KCNAB2: variants seen among roughly 807,000 people sequenced by gnomAD.
KCNAB2 encodes potassium voltage-gated channel subfamily A regulatory beta subunit 2, also known as voltage-gated potassium channel subunit beta-2.
KCNAB2 carries 29 observed loss-of-function variants against 63.6 expected under a neutral mutation model. That is an observed-to-expected ratio of 0.46 (90% confidence interval 0.34 to 0.62). The LOEUF is 0.62. KCNAB2 is among the 20% of genes least tolerant of loss of function. The pLI is 0.01. For missense variants in KCNAB2, 359 were observed against 563.9 expected (o/e 0.64, Z 3.68); for synonymous variants, 222 against 224.2 (o/e 0.99, Z 0.09).
rs1657361548 is a variant in KCNAB2, at chr1:6,003,217, T to A, written c.-53+10429T>A. ...CCCCAGCAGCCTGGCCCCTGCTGGCTGCAGGGGCTCCAGAGCCTGTGCTAC... is the reference window on the plus strand; with the variant it reads ...CCCCAGCAGCCTGGCCCCTGCTGGCAGCAGGGGCTCCAGAGCCTGTGCTAC... On this transcript the variant is annotated intron_variant, in intron 1 of 16. Coordinates refer to the KCNAB2 transcript ENST00000341524. This position sits in a 1 kb window ranked among gnomAD's most constrained non-coding sequence, Gnocchi z 4.1. Among the ~76,000 whole-genome samples the A allele has an allele frequency of 6.6e-6, 1 of 152,204 alleles. No individual in the cohort carries two copies. The highest frequency in any genetic ancestry group is 2.1e-4 in the South Asian group (1 of 4,834).
intron 1 of KCNAB2, among the ~76,000 whole-genome samples, chr1:6,038,706 T>A (rs1409675202): frequency 6.6e-6 from 1 of 152,044 alleles, no homozygotes; most frequent in African/African-American, 2.4e-5. Context: ...GGGACAGAGG[T>A]TGTTTGGGAA....
rs1665759251 is a variant in KCNAB2 at position 6,097,622 on chromosome 1, G to C, written c.1158+265G>C. On this transcript the variant is annotated intron_variant, in intron 15 of 15. Transcript: ENST00000378083. Reference sequence around the variant, plus strand: ...AGCCAGAGATAAAGGGAGGGAGCTGGGGCCAGGGACGGTGGCGCTGCAGAC... The same window carrying C: ...AGCCAGAGATAAAGGGAGGGAGCTGCGGCCAGGGACGGTGGCGCTGCAGAC... 5 of 626,698 alleles carry C rather than the reference G, an allele frequency of 8.0e-6. No homozygotes were observed. The South Asian group carries it at 1.0e-4, about 13-fold the overall frequency. The allele number at this position is 626,698 out of a possible 1,614,324, so 38.8% of individuals were successfully genotyped here. A position where few individuals can be genotyped will look rare whatever the true frequency, so the allele number is the denominator to read the frequency against.
At position 6,097,368 on chromosome 1, in the gene KCNAB2, G is replaced by A. The variant is rs1430254377; in HGVS notation, c.1158+11G>A. The A allele has an allele frequency of 5.2e-6, 8 of 1,551,064 alleles. No individual in the cohort carries two copies. The highest frequency in any genetic ancestry group is 6.1e-6 in the Non-Finnish European group (7 of 1,147,206). On this transcript the variant is annotated intron_variant, in intron 15 of 15. Transcript: ENST00000378083. The stretch of plus-strand genomic sequence containing the variant: ...ATTGGGGCAATACAGGTAAGAGTGA[G>A]AGGCCCTGCTGGGCAGAGGGCCCAT...
rs200616744 is a variant in KCNAB2, at chr1:6,005,069, G to GT, written c.-53+12281_-53+12282insT. The stretch of plus-strand genomic sequence containing the variant: ...AGCTGAGGGGTGAGGGTAGAGTGGG[G>GT]GACATGGAAGCTGAGCTGAGGGGTG... On this transcript the variant is annotated intron_variant, in intron 1 of 16. Coordinates refer to the KCNAB2 transcript ENST00000341524. Among the ~76,000 whole-genome samples, 30 of 26,332 alleles carry GT rather than the reference G, an allele frequency of 1.1e-3. 5 individuals are homozygous for GT. The highest frequency in any genetic ancestry group is 5.5e-3 in the Admixed American group (15 of 2,712). The allele number at this position is 26,332 out of a possible 152,430, so 17.3% of individuals were successfully genotyped here.
At chr1:6,005,432 T>G in intron 1 of KCNAB2, among the ~76,000 whole-genome samples, 1 of 111,628 alleles carries the variant, frequency 9.0e-6, no homozygotes, top group East Asian at 2.6e-4. Context: ...TTGTGGGTTG[T>G]GTGAGCTGAG....
chr1:6,085,600 T>G, intron 6 of KCNAB2: 1 of 223,402 alleles, frequency 4.5e-6, no homozygotes, highest in Non-Finnish European at 8.9e-6. Context: ...GGCGTGCTGC[T>G]ACAGAAGATG....
Position 6,028,266 on chromosome 1 carries a change from T to C in KCNAB2, c.-52-12251T>C, listed in dbSNP as rs1359891574. 6.6e-6 allele frequency among the ~76,000 whole-genome samples: 1 copy of C among 152,180 alleles called. No homozygotes were observed. The highest frequency in any genetic ancestry group is 1.5e-5 in the Non-Finnish European group (1 of 68,040). ...TGTGTTGTGTAAGTGCCCTTCTGTG[T>C]CATGCGGTTTTGAGCAGTTATACCT... On this transcript the variant is annotated intron_variant, in intron 1 of 16. Transcript: ENST00000341524. This position sits in a 1 kb window ranked among gnomAD's most constrained non-coding sequence, Gnocchi z 4.0.
At chr1:6,008,490 G>A (rs183015295) in intron 1 of KCNAB2, among the ~76,000 whole-genome samples, 30 of 152,182 alleles carry the variant, frequency 2.0e-4, no homozygotes, top group Non-Finnish European at 2.9e-4. Context: ...GCATGATGGC[G>A]TGCACCTGTA....
intron 1 of KCNAB2, among the ~76,000 whole-genome samples, chr1:6,010,688 A>G (rs758202768): frequency 8.5e-5 from 13 of 152,244 alleles, no homozygotes; most frequent in Non-Finnish European, 1.6e-4. Context: ...AGGTGAACAC[A>G]GGAAATGGGG....
In KCNAB2 at chr1:6,068,840, C is replaced by T. The variant is rs558886649; in HGVS notation, c.219-3915C>T. Among the ~76,000 whole-genome samples the T allele has an allele frequency of 7.9e-5, 12 of 152,316 alleles. No individual in the cohort carries two copies. The South Asian group carries it at 2.5e-3, about 32-fold the overall frequency. On this transcript the variant is annotated intron_variant, in intron 2 of 15. Transcript: ENST00000378083. ...TCCCAGTGGTGTGCTCCAGGCACAG[C>T]TGTCCAGTGACACGCACAGTCCACA... is the stretch of plus-strand genomic sequence containing the variant.
upstream of KCNAB2, chr1:6,045,883 C>G (rs1660879887): frequency 2.2e-5 from 22 of 985,440 alleles, no homozygotes; most frequent in Non-Finnish European, 2.7e-5. This position sits in a 1 kb window ranked among gnomAD's most constrained non-coding sequence, Gnocchi z 4.8. Flanking sequence ...ACCCCACGCA[C>G]CGGGAGTCAG....
At chr1:6,048,090 C>T (rs1172470496) in intron 1 of KCNAB2, among the ~76,000 whole-genome samples, 1 of 152,230 alleles carries the variant, frequency 6.6e-6, no homozygotes, top group Non-Finnish European at 1.5e-5. Context: ...CTCTCCCACT[C>T]ACATCCCCAA....
chr1:6,009,345 A>C (rs1658010553), intron 1 of KCNAB2, among the ~76,000 whole-genome samples: 1 of 152,180 alleles, frequency 6.6e-6, no homozygotes, highest in South Asian at 2.1e-4. Context: ...CAGGCAGCAG[A>C]CCATAAGCAG....
At position 6,096,943 on chromosome 1, in the gene KCNAB2, T is replaced by C. The variant is rs1376159354; in HGVS notation, c.1069+187T>C. On this transcript the variant is annotated intron_variant, in intron 14 of 15. Coordinates refer to ENST00000378083, the MANE Select transcript of KCNAB2 (RefSeq NM_001199862.2). The surrounding 1 kb of genome is among the most constrained non-coding windows in gnomAD (Gnocchi z 5.9). ...AGGGGCATGGTTGGGACCCCATGCC[T>C]CTAGGGGGATGTCAGGAGTCCCTGA... Among the ~76,000 whole-genome samples the C allele has an allele frequency of 1.3e-5, 2 of 152,108 alleles. No homozygotes were observed. The highest frequency in any genetic ancestry group is 2.9e-5 in the Non-Finnish European group (2 of 67,994).
upstream of KCNAB2, among the ~76,000 whole-genome samples, chr1:6,034,074 C>T (rs1659841499): frequency 6.6e-6 from 1 of 152,168 alleles, no homozygotes; most frequent in South Asian, 2.1e-4. Flanking sequence ...TCAGGGATCC[C>T]AGGGCCACCC....
At chr1:6,014,141 C>T (rs1002905918) in intron 1 of KCNAB2, among the ~76,000 whole-genome samples, 7 of 152,244 alleles carry the variant, frequency 4.6e-5, no homozygotes, top group African/African-American at 7.2e-5. Context: ...TGCACTGGGT[C>T]GCCAGCAGCT....
Position 6,100,399 on chromosome 1 carries a change from T to G in KCNAB2, c.*1825T>G. 1.1e-5 allele frequency: 2 copies of G among 189,140 alleles called. No homozygotes were observed. Among genetic ancestry groups the G allele is most frequent in the Non-Finnish European group, 2.2e-5 (2 of 92,604 alleles). The allele number at this position is 189,140 out of a possible 1,614,324, so 11.7% of individuals were successfully genotyped here. ...TGGGGAAGTCCCTTCCCAACGGAGG[T>G]CCCAGCCTATGGCCCTGGGCCCAGG... On this transcript the variant is annotated 3_prime_UTR_variant, in exon 16 of 16. Coordinates refer to ENST00000378083, the MANE Select transcript of KCNAB2 (RefSeq NM_001199862.2).
chr1:6,040,594 C>T, exon 2 of KCNAB2: 2 of 1,614,196 alleles, frequency 1.2e-6, no homozygotes, highest in Non-Finnish European at 1.7e-6. Flanking sequence ...ACGACGGGCT[C>T]CCCGGCTCGG....
chr1:6,015,700 T>G (rs1169468615), intron 1 of KCNAB2, among the ~76,000 whole-genome samples: 1 of 152,104 alleles, frequency 6.6e-6, no homozygotes, highest in Non-Finnish European at 1.5e-5. Context: ...ATTGGTTGGT[T>G]GGTTGGTTTT....
Sources: allele counts gnomAD v4.1 joint callset (sites outside exome capture counted in the v4.1 genomes callset), GRCh38; gene constraint gnomAD v4.1.1; non-coding constraint Gnocchi (gnomAD v3.1); transcripts MANE v1.5; gene names NCBI Gene and HGNC (gene_info 2026-07-23, HGNC 2026-07-21).